SMCO4: variants seen among roughly 807,000 people sequenced by gnomAD.
SMCO4 encodes the protein single-pass membrane and coiled-coil domain-containing protein 4.
A neutral mutation model predicts 3.6 loss-of-function variants in SMCO4; 4 were observed. That is an observed-to-expected ratio of 1.11 (90% CI 0.54 to 2.53). The LOEUF (loss-of-function observed/expected upper bound fraction) is 2.53, where lower values mean the gene tolerates loss of function less well. Among genes scored for constraint, SMCO4 ranks in the 30% most tolerant of loss-of-function variants. The pLI is 0.02. For missense variants in SMCO4, 70 were observed against 80.8 expected, an observed-to-expected ratio of 0.87 and a Z score of 0.51; for synonymous variants, 36 against 35.3, an observed-to-expected ratio of 1.02 and a Z score of -0.07.
At chr11:93,486,379 A>G (rs1404376394) in intron 2 of SMCO4, among the ~76,000 whole-genome samples, 1 of 152,216 alleles carries the variant, frequency 6.6e-6, no homozygotes, top group Non-Finnish European at 1.5e-5. Context: ...CAAGAGTCCA[A>G]GCCTGGTTCC....
intron 2 of SMCO4, among the ~76,000 whole-genome samples, chr11:93,486,287 C>T (rs763964425): frequency 2.0e-5 from 3 of 152,194 alleles, no homozygotes; most frequent in African/African-American, 7.2e-5. Context: ...GCTCAGAAAC[C>T]GTGTTGCCCC....
intron 1 of SMCO4, among the ~76,000 whole-genome samples, chr11:93,542,474 A>C (rs1591333574): frequency 1.3e-5 from 2 of 152,264 alleles, no homozygotes; most frequent in Middle Eastern, 3.4e-3. Flanking sequence ...CAAACATCTC[A>C]TCCGCTCAGC....
chr11:93,505,726 T>C (rs1280995481), intron 1 of SMCO4, among the ~76,000 whole-genome samples: 1 of 152,208 alleles, frequency 6.6e-6, no homozygotes, highest in Non-Finnish European at 1.5e-5. Context: ...TTCCCAAATC[T>C]AGCTGACCAC....
chr11:93,539,967 A>G (rs1949258868), intron 1 of SMCO4, among the ~76,000 whole-genome samples: 1 of 152,052 alleles, frequency 6.6e-6, no homozygotes, highest in South Asian at 2.1e-4. Flanking sequence ...TTAAAAAAAA[A>G]AAAAAGGAGG....
intron 2 of SMCO4, among the ~76,000 whole-genome samples, chr11:93,497,459 T>C (rs1196708566): frequency 2.0e-5 from 3 of 152,196 alleles, no homozygotes; most frequent in African/African-American, 7.2e-5. Flanking sequence ...CTTTCAAGAC[T>C]GACTGGAAGG....
intron 2 of SMCO4, among the ~76,000 whole-genome samples, chr11:93,488,770 T>A (rs1379996955): frequency 6.6e-6 from 1 of 151,966 alleles, no homozygotes; most frequent in Non-Finnish European, 1.5e-5. Context: ...CTGGGAGCTG[T>A]GGGCCCTTAA....
the SMCO4 span, among the ~76,000 whole-genome samples, chr11:93,553,679 G>C: frequency 6.6e-6 from 1 of 152,198 alleles, no homozygotes; most frequent in Non-Finnish European, 1.5e-5. Flanking sequence ...TTGATCACCA[G>C]ATACTTTAAT....
rs149048149 is a variant in SMCO4, at chr11:93,541,289, T to C, written c.-154+1987A>G. Among the ~76,000 whole-genome samples the C allele has an allele frequency of 4.2e-3, 646 of 152,256 alleles. 9 individuals carry two copies. Among genetic ancestry groups the C allele is most frequent in the African/African-American group, 0.014 (601 of 41,550 alleles). On this transcript the variant is annotated intron_variant, in intron 1 of 2. Coordinates refer to ENST00000298966, the MANE Select transcript of SMCO4 (RefSeq NM_020179.3). The stretch of plus-strand genomic sequence containing the variant: ...AGCGGGGTGGAGGGGACACAGATGA[T>C]TGCCTGGAGCAATTTTTAATGTGCT...
At chr11:93,496,789 A>T (rs1238717235) in intron 2 of SMCO4, among the ~76,000 whole-genome samples, 1 of 152,198 alleles carries the variant, frequency 6.6e-6, no homozygotes, top group Admixed American at 6.5e-5. Flanking sequence ...GCCACAACTA[A>T]AAGTAAAATG....
intron 1 of SMCO4, chr11:93,535,435 C>T (rs1949211362): frequency 7.7e-7 from 1 of 1,299,738 alleles, no homozygotes; most frequent in Non-Finnish European, 1.1e-6. Context: ...CTGCTAGGGG[C>T]TTAAGCAGAG....
chr11:93,484,885 T>G (rs925440402), intron 2 of SMCO4, among the ~76,000 whole-genome samples: 2 of 152,120 alleles, frequency 1.3e-5, no homozygotes, highest in Non-Finnish European at 2.9e-5. Context: ...CTGCTAACCC[T>G]GTGCAGCCAA....
At chr11:93,491,743 C>T (rs886939522) in intron 2 of SMCO4, among the ~76,000 whole-genome samples, 3 of 152,316 alleles carry the variant, frequency 2.0e-5, no homozygotes, top group Middle Eastern at 3.4e-3. Flanking sequence ...AGGAAGATGA[C>T]CACACTGACC....
intron 1 of SMCO4, among the ~76,000 whole-genome samples, chr11:93,510,123 G>T (rs970243614): frequency 6.6e-6 from 1 of 152,168 alleles, no homozygotes; most frequent in Non-Finnish European, 1.5e-5. Flanking sequence ...CCACCTACTT[G>T]ACAAGGTTGG....
At chr11:93,540,319 A>C (rs1015561708) in intron 1 of SMCO4, among the ~76,000 whole-genome samples, 9 of 152,174 alleles carry the variant, frequency 5.9e-5, no homozygotes, top group African/African-American at 9.7e-5. Context: ...CTTGAATATA[A>C]GACAGACAGT....
At chr11:93,506,631 C>T (rs757966391) in intron 1 of SMCO4, among the ~76,000 whole-genome samples, 3 of 151,898 alleles carry the variant, frequency 2.0e-5, no homozygotes, top group Admixed American at 6.6e-5. Context: ...GTAGTAGAGA[C>T]GGGGTTTCAC....
At chr11:93,482,383 A>G (rs953492640) in intron 2 of SMCO4, among the ~76,000 whole-genome samples, 1 of 152,240 alleles carries the variant, frequency 6.6e-6, no homozygotes, top group African/African-American at 2.4e-5. Context: ...CTTCTTAGAC[A>G]TCGTCATGGA....
chr11:93,503,246 G>C (rs193026307), intron 1 of SMCO4, among the ~76,000 whole-genome samples: 175 of 152,278 alleles, frequency 1.1e-3, no homozygotes, highest in Non-Finnish European at 2.0e-3. Flanking sequence ...ATGGTGAAAG[G>C]CAAAAGGCAT....
chr11:93,529,134 G>A (rs1458261517), intron 1 of SMCO4, among the ~76,000 whole-genome samples: 1 of 152,176 alleles, frequency 6.6e-6, no homozygotes, highest in Non-Finnish European at 1.5e-5. Context: ...AAAACTTCCT[G>A]TAGCACTCTG....
chr11:93,494,552 C>T (rs769512368), intron 2 of SMCO4, among the ~76,000 whole-genome samples: 3 of 152,200 alleles, frequency 2.0e-5, no homozygotes, highest in Non-Finnish European at 4.4e-5. Flanking sequence ...ACCTGGAATG[C>T]ACCACTGCTG....
Sources: gnomAD v4.1 joint callset for allele counts (sites outside exome capture counted in the v4.1 genomes callset) on GRCh38, gnomAD v4.1.1 for gene constraint, MANE v1.5 for transcripts, NCBI Gene and HGNC (gene_info 2026-07-23, HGNC 2026-07-21) for gene names.